ZNF534: variants seen among roughly 807,000 people sequenced by gnomAD.
ZNF534 encodes the protein zinc finger protein 534, also known as KRAB domain only 3.
A neutral mutation model predicts 13.6 loss-of-function variants in ZNF534; 19 were observed. That is an observed-to-expected ratio of 1.40 (90% CI 0.97 to 2.05). The LOEUF (loss-of-function observed/expected upper bound fraction) is 2.05. Ranked by LOEUF, ZNF534 falls within the 30% of genes most tolerant of loss-of-function variation. The pLI is 0.00. For synonymous variants in ZNF534, 244 were observed against 273.8 expected (o/e 0.89, Z 1.07); for missense variants, 782 against 796.3 (o/e 0.98, Z 0.22).
In ZNF534 at chr19:52,440,556, G is replaced by A. The variant is rs1396408339; in HGVS notation, c.*1110G>A. ...AGCACTTTGGGAGGCTGAGGCAGAC[G>A]GATCAGTTGAGGTCAGGAGTTTGAG... On this transcript the variant is annotated 3_prime_UTR_variant, in exon 5 of 5. Transcript: ENST00000433050. Among the ~76,000 whole-genome samples, 3 of 152,106 alleles carry A rather than the reference G, an allele frequency of 2.0e-5. No homozygotes were observed. Among genetic ancestry groups the A allele is most frequent in the Admixed American group, 6.6e-5 (1 of 15,264 alleles).
At chr19:52,451,544 G>T in exon 5 of ZNF534, 1 of 603,522 alleles carries the variant, frequency 1.7e-6, no homozygotes. Context: ...CGCGGAGGAG[G>T]GCGGCATGCA....
chr19:52,431,497 A>G lies in ZNF534; in HGVS notation c.15+8A>G, dbSNP rs749924902. 25 of 1,613,946 alleles carry G rather than the reference A, an allele frequency of 1.5e-5. No homozygotes were observed. In the East Asian group the frequency reaches 5.1e-4, roughly 33 times the overall value. ...GGAATGGCCCTTACTCAGGTAAGGT[A>G]ATGTTCTCAGTGGATTGTTCTGTCT... On this transcript the variant is annotated splice_region_variant and intron_variant, in intron 2 of 4. Transcript: ENST00000433050.
chr19:52,436,161 A>G (rs1057149036), intron 4 of ZNF534, among the ~76,000 whole-genome samples: 2 of 149,380 alleles, frequency 1.3e-5, no homozygotes, highest in Non-Finnish European at 3.0e-5. Context: ...GATGTTCTCA[A>G]TCTCCTGACC....
In ZNF534 at chr19:52,437,902, G is replaced by T. The variant is rs368983595; in HGVS notation, c.442G>T (p.Val148Phe). The T allele has an allele frequency of 5.0e-6, 8 of 1,613,168 alleles. No homozygotes were observed. The highest frequency in any genetic ancestry group is 6.8e-6 in the Non-Finnish European group (8 of 1,179,544). ...CAGTGACAATTCTTCAGTTTCACCA[G>T]TTCAAATAAGTTTTTTCAGTGTCAA... The part of the protein sequence containing the change: ...SISDNSSVSP[V>F]QISFFSVKTH... The change falls in exon 5 of 5, where the codon GTT becomes TTT. Residue 148 changes from valine (V) to phenylalanine (F), a missense_variant. Around this residue, in one of 5 missense-constraint regions of ZNF534, gnomAD observed 591 missense variants for 574.0 expected, o/e 1.03. Coordinates refer to ENST00000433050, the MANE Select transcript of ZNF534 (RefSeq NM_001143938.3).
downstream of ZNF534, among the ~76,000 whole-genome samples, chr19:52,445,228 G>C (rs1395718622): frequency 6.7e-6 from 1 of 148,272 alleles, no homozygotes; most frequent in Non-Finnish European, 1.5e-5. Context: ...ACAGAGTCTT[G>C]CTCTGTCACC....
intron 4 of ZNF534, among the ~76,000 whole-genome samples, chr19:52,450,314 T>A (rs2122731542): frequency 6.6e-6 from 1 of 152,324 alleles, no homozygotes; most frequent in Non-Finnish European, 1.5e-5. Flanking sequence ...GATCTTCCAT[T>A]TATGTCAAAC....
At chr19:52,443,508 T>C (rs748669329), downstream of ZNF534, among the ~76,000 whole-genome samples, 2 of 152,276 alleles carry the variant, frequency 1.3e-5, no homozygotes, top group East Asian at 1.9e-4. Context: ...TCATCTTACG[T>C]TGGGAGGCTG....
downstream of ZNF534, among the ~76,000 whole-genome samples, chr19:52,445,947 T>C (rs1196389384): frequency 6.6e-6 from 1 of 152,224 alleles, no homozygotes; most frequent in East Asian, 1.9e-4. Flanking sequence ...AATATATAAA[T>C]GAAAGTTTTC....
At chr19:52,431,286 T>C (rs2059085411) in intron 1 of ZNF534, 122 bp from the exon 2 acceptor site, 1 of 709,630 alleles carries the variant, frequency 1.4e-6, no homozygotes, top group African/African-American at 1.8e-5. Flanking sequence ...CTGTGGGAGA[T>C]CAACAGTAGG....
chr19:52,431,099 C>G (rs570002096), intron 1 of ZNF534, among the ~76,000 whole-genome samples: 1 of 152,290 alleles, frequency 6.6e-6, no homozygotes, highest in African/African-American at 2.4e-5. Flanking sequence ...GATCTGCCCA[C>G]CTCGGCCTCC....
intron 1 of ZNF534, among the ~76,000 whole-genome samples, chr19:52,429,975 A>ATG (rs2059076403): frequency 6.6e-6 from 1 of 150,954 alleles, no homozygotes; most frequent in African/African-American, 2.4e-5. Flanking sequence ...TCCCTTAACA[A>ATG]TGCCCTCCAG....
Position 52,438,069 on chromosome 19 carries a change from C to G in ZNF534, c.609C>G (p.Asn203Lys), listed in dbSNP as rs376789531. The change falls in exon 5 of 5, where the codon AAC (asparagine) becomes AAG (lysine). Residue 203 changes from asparagine (N) to lysine (K), a missense_variant. By Grantham distance (94) the Asn-to-Lys change is moderately conservative. Around this residue, in one of 5 missense-constraint regions of ZNF534, gnomAD observed 591 missense variants for 574.0 expected, o/e 1.03. Transcript: ENST00000433050. ...KVFRVSSSLT[N>K]RQVIHIADKT... Reference sequence around the variant, plus strand: ...TCAGAGTGTCTTCAAGCCTTACTAACCGTCAAGTAATCCACATTGCAGATA... The same window carrying G: ...TCAGAGTGTCTTCAAGCCTTACTAAGCGTCAAGTAATCCACATTGCAGATA... 1.2e-6 allele frequency: 2 copies of G among 1,614,152 alleles called. No homozygotes were observed. The highest frequency in any genetic ancestry group is 1.7e-6 in the Non-Finnish European group (2 of 1,180,034).
intron 1 of ZNF534, among the ~76,000 whole-genome samples, chr19:52,430,759 G>A (rs1196344630): frequency 2.0e-5 from 3 of 151,812 alleles, no homozygotes; most frequent in African/African-American, 7.3e-5. Flanking sequence ...TCTTGGCCAG[G>A]CTGATCTTGA....
downstream of ZNF534, among the ~76,000 whole-genome samples, chr19:52,442,591 G>C (rs554356365): frequency 1.3e-5 from 2 of 152,120 alleles, no homozygotes; most frequent in Non-Finnish European, 2.9e-5. Flanking sequence ...CTCTAGCACC[G>C]CTGGGTTAGG....
At chr19:52,430,542 G>T (rs1471021817) in intron 1 of ZNF534, among the ~76,000 whole-genome samples, 3 of 149,852 alleles carry the variant, frequency 2.0e-5, no homozygotes, top group Admixed American at 1.3e-4. Flanking sequence ...TCAGGGTGAG[G>T]TCTGTGCTTT....
At position 52,431,427 on chromosome 19, in the gene ZNF534, A is replaced by G. The variant is rs755471380; in HGVS notation, c.-48A>G. On this transcript the variant is annotated 5_prime_UTR_variant, in exon 2 of 5. Transcript: ENST00000433050. ...TACTAGGATTCACTTTCAAAGAGAC[A>G]TATTATGCAAGGAAGCAACTCGGAA... 7 of 1,612,934 alleles carry G rather than the reference A, an allele frequency of 4.3e-6. No homozygotes were observed. Among genetic ancestry groups the G allele is most frequent in the African/African-American group, 2.7e-5 (2 of 74,878 alleles).
downstream of ZNF534, among the ~76,000 whole-genome samples, chr19:52,443,781 G>A (rs2059184915): frequency 6.6e-6 from 1 of 151,762 alleles, no homozygotes; most frequent in Non-Finnish European, 1.5e-5. Context: ...CCTTGTCTTT[G>A]AGCTCTGAAA....
rs114317290 is a variant in ZNF534, at chr19:52,431,439, G to A, written c.-36G>A. On this transcript the variant is annotated 5_prime_UTR_variant, in exon 2 of 5. Coordinates refer to ENST00000433050, the MANE Select transcript of ZNF534 (RefSeq NM_001143938.3). ...CTTTCAAAGAGACATATTATGCAAG[G>A]AAGCAACTCGGAAGAGGAAAGAAAG... 1 of 1,613,838 alleles carries A rather than the reference G, an allele frequency of 6.2e-7. No homozygotes were observed. Among genetic ancestry groups the A allele is most frequent in the African/African-American group, 1.3e-5 (1 of 75,010 alleles).
chr19:52,438,570 A>G lies in ZNF534; in HGVS notation c.1110A>G (p.Ala370=), dbSNP rs376623315. Residue 370 remains alanine (A), a synonymous_variant, in exon 5 of 5, where the codon GCA becomes GCG. Coordinates refer to ENST00000433050, the MANE Select transcript of ZNF534 (RefSeq NM_001143938.3). ...GGTTTAGTCGAATTGCATTCCTTGC[A>G]AGGCATCGGAAAGTTCATACTGGAG... ...GKGFSRIAFL[A]RHRKVHTGEK... is the part of the protein sequence containing the mutation. 2.2e-5 allele frequency: 35 copies of G among 1,581,500 alleles called. No homozygotes were observed. Among genetic ancestry groups the G allele is most frequent in the Middle Eastern group, 3.3e-4 (2 of 6,022 alleles).
Sources: gnomAD v4.1 joint callset for allele counts (sites outside exome capture counted in the v4.1 genomes callset) on GRCh38, gnomAD v4.1.1 for gene constraint, gnomAD v4.1.1 regional missense constraint, MANE v1.5 for transcripts, NCBI Gene and HGNC (gene_info 2026-07-23, HGNC 2026-07-21) for gene names.